Variants in TMEM40 observed in about 807,000 individuals in gnomAD.
The protein encoded by TMEM40 is transmembrane protein 40.
In TMEM40, 34 loss-of-function variants were observed where a neutral mutation model predicts 40.8. The ratio of observed to expected loss-of-function variants is 0.83; its 90% CI spans 0.63 to 1.11. The LOEUF is 1.11. Ranked by LOEUF, TMEM40 falls within the 50% of genes least tolerant of loss-of-function variation. TMEM40 has a pLI of 0.00. For synonymous variants in TMEM40, 106 were observed against 107.0 expected, an observed-to-expected ratio of 0.99 and a Z score of 0.06; for missense variants, 296 against 280.2, an observed-to-expected ratio of 1.06 and a Z score of -0.40.
At chr3:12,740,057 C>T (rs2061369311) in intron 5 of TMEM40, among the ~76,000 whole-genome samples, 1 of 145,848 alleles carries the variant, frequency 6.9e-6, no homozygotes, top group Admixed American at 6.9e-5. Context: ...TATTATATAA[C>T]ACAAATTATA....
At chr3:12,738,719 C>T (rs2061358085) in intron 5 of TMEM40, 131 bp from the exon 6 acceptor site, 3 of 933,924 alleles carry the variant, frequency 3.2e-6, no homozygotes, top group East Asian at 2.6e-5. Context: ...GGGAATGGAG[C>T]CGGCTGGAGG....
In TMEM40 at chr3:12,734,044, GCAGGTATGTA is replaced by G. The variant is rs2061319859; in HGVS notation, c.*720_*729del. The G allele has an allele frequency of 6.6e-6, 1 of 151,624 alleles. No homozygotes were observed. The highest frequency in any genetic ancestry group is 1.5e-5 in the Non-Finnish European group (1 of 68,004). 9.4% of individuals were successfully genotyped at this position (151,624 alleles called of 1,614,324 possible). On this transcript the variant is annotated 3_prime_UTR_variant, in exon 12 of 12. Coordinates refer to ENST00000314124, the MANE Select transcript of TMEM40 (RefSeq NM_018306.4). Reference sequence around the variant, plus strand: ...CTCAGCCTCTTGAGTAGCTGGAACCGCAGGTATGTACAGGTATGTACCGCCACATTTGGTC... The same window carrying G: ...CTCAGCCTCTTGAGTAGCTGGAACCGCAGGTATGTACCGCCACATTTGGTC...
At chr3:12,760,105 C>G (rs553534705), upstream of TMEM40, among the ~76,000 whole-genome samples, 1 of 152,266 alleles carries the variant, frequency 6.6e-6, no homozygotes, top group East Asian at 1.9e-4. Flanking sequence ...TCTGGAAAAT[C>G]CTGTTGGTCC....
intron 1 of TMEM40, among the ~76,000 whole-genome samples, chr3:12,756,696 G>T (rs1345039482): frequency 6.6e-6 from 1 of 152,014 alleles, no homozygotes; most frequent in African/African-American, 2.4e-5. Flanking sequence ...AGAGCCAGGC[G>T]GGTCCCTTCT....
At chr3:12,749,712 C>T (rs2061458049) in intron 2 of TMEM40, 48 bp downstream of exon 2, 2 of 1,575,100 alleles carry the variant, frequency 1.3e-6, no homozygotes, top group African/African-American at 1.4e-5. Context: ...CTTTTGGACT[C>T]CACCTCCCAT....
chr3:12,761,646 G>A (rs560515677), upstream of TMEM40, among the ~76,000 whole-genome samples: 1 of 152,008 alleles, frequency 6.6e-6, no homozygotes, highest in Non-Finnish European at 1.5e-5. Context: ...TAAGGATTTG[G>A]CTGCTGCATT....
intron 3 of TMEM40, among the ~76,000 whole-genome samples, chr3:12,747,229 T>C (rs903082680): frequency 1.6e-4 from 24 of 150,166 alleles, no homozygotes; most frequent in African/African-American, 5.6e-4. Flanking sequence ...TTTCATTAAA[T>C]AAAGTCTTAA....
chr3:12,747,801 C>T (rs551273404), intron 3 of TMEM40, among the ~76,000 whole-genome samples: 2 of 150,426 alleles, frequency 1.3e-5, no homozygotes, highest in East Asian at 3.9e-4. Flanking sequence ...ATCCCAGCTA[C>T]TCGGGAGGCT....
upstream of TMEM40, among the ~76,000 whole-genome samples, chr3:12,762,323 T>C (rs184195715): frequency 1.7e-4 from 26 of 152,358 alleles, no homozygotes; most frequent in Admixed American, 5.9e-4. Context: ...ATTTTTAACA[T>C]AGTTACTGAA....
chr3:12,754,237 G>A (rs1028019889), intron 1 of TMEM40, among the ~76,000 whole-genome samples: 20 of 152,220 alleles, frequency 1.3e-4, no homozygotes, highest in South Asian at 6.2e-4. Flanking sequence ...GCGTGAACCC[G>A]GGAGGTGGAG....
rs1045375553 is a variant in TMEM40 at position 12,736,706 on chromosome 3, C to G, written c.545-54G>C. ...CAGCCTCCAGGTCTTGACGCCCCTG[C>G]CCCCTGCACCACCCCATGCCATCCC... On this transcript the variant is annotated intron_variant, in intron 9 of 11. Coordinates refer to ENST00000314124, the MANE Select transcript of TMEM40 (RefSeq NM_018306.4). 3.2e-5 allele frequency: 51 copies of G among 1,613,424 alleles called. No homozygotes were observed. The Admixed American group carries it at 7.5e-4, about 24-fold the overall frequency.
chr3:12,743,586 C>A (rs1363012644), intron 4 of TMEM40, among the ~76,000 whole-genome samples: 1 of 152,116 alleles, frequency 6.6e-6, no homozygotes, highest in African/African-American at 2.4e-5. Flanking sequence ...CCTGAGATAA[C>A]CACTATTAAC....
intron 1 of TMEM40, among the ~76,000 whole-genome samples, chr3:12,755,221 C>T (rs6767603): frequency 0.069 from 5,666 of 82,044 alleles, 199 homozygotes; most frequent in African/African-American, 0.16. Context: ...CTTTCTCTCT[C>T]TCTCTCTCTC....
chr3:12,751,256 G>C (rs1455809478), intron 1 of TMEM40, among the ~76,000 whole-genome samples: 1 of 135,920 alleles, frequency 7.4e-6, no homozygotes, highest in African/African-American at 3.1e-5. Flanking sequence ...CCCCCATCTC[G>C]TAGGCCCCAG....
At chr3:12,749,125 T>C (rs368615245) in intron 2 of TMEM40, among the ~76,000 whole-genome samples, 5 of 152,056 alleles carry the variant, frequency 3.3e-5, no homozygotes, top group East Asian at 1.9e-4. Flanking sequence ...CTCGGGTTCA[T>C]GCCATTCTCC....
At chr3:12,750,320 C>T (rs1006305528) in intron 1 of TMEM40, among the ~76,000 whole-genome samples, 4 of 152,050 alleles carry the variant, frequency 2.6e-5, no homozygotes, top group Non-Finnish European at 5.9e-5. Flanking sequence ...GGTGAACCAA[C>T]TCCAATCCCA....
upstream of TMEM40, among the ~76,000 whole-genome samples, chr3:12,763,331 G>C (rs748478786): frequency 4.6e-5 from 7 of 152,084 alleles, no homozygotes; most frequent in Non-Finnish European, 1.0e-4. Context: ...GTGTGTACCT[G>C]GTACAGGATG....
Position 12,738,118 on chromosome 3 carries a change from T to G in TMEM40, c.424+18A>C, listed in dbSNP as rs2061351327. On this transcript the variant is annotated intron_variant, in intron 7 of 11. Transcript: ENST00000314124. ...TCCACACCCGCTCTGGCTCTCCTAT[T>G]TGAGCTTGTGTATTTACCACTTGCT... 6.2e-7 allele frequency: 1 copy of G among 1,613,582 alleles called. No homozygotes were observed. The highest frequency in any genetic ancestry group is 8.5e-7 in the Non-Finnish European group (1 of 1,179,776).
At chr3:12,747,910 CAAAAAAAA>C (rs747586371) in intron 3 of TMEM40, among the ~76,000 whole-genome samples, 1 of 27,568 alleles carries the variant, frequency 3.6e-5, no homozygotes, top group African/African-American at 1.1e-4. Flanking sequence ...GATTCTGTCT[CAAAAAAAA>C]AAAAAAAAAA....
Sources: gnomAD v4.1 joint callset for allele counts (sites outside exome capture counted in the v4.1 genomes callset) on GRCh38, gnomAD v4.1.1 for gene constraint, MANE v1.5 for transcripts, NCBI Gene and HGNC (gene_info 2026-07-23, HGNC 2026-07-21) for gene names.